YTHDF1: variants seen among roughly 807,000 people sequenced by gnomAD.
The protein encoded by YTHDF1 is YTH domain-containing family protein 1.
A neutral mutation model predicts 49.1 loss-of-function variants in YTHDF1; 16 were observed. That is an observed-to-expected ratio of 0.33 (90% confidence interval 0.22 to 0.49). The LOEUF (loss-of-function observed/expected upper bound fraction) is 0.49, where lower values mean the gene tolerates loss of function less well. Among genes scored for constraint, YTHDF1 ranks in the 20% least tolerant of loss-of-function variants. The pLI is 0.99. For missense variants in YTHDF1, 621 were observed against 744.3 expected, an observed-to-expected ratio of 0.83 and a Z score of 1.93; for synonymous variants, 313 against 290.1, an observed-to-expected ratio of 1.08 and a Z score of -0.80.
At chr20:63,215,556 C>G (rs929376061) in intron 2 of YTHDF1, 21 bp downstream of exon 2, 5 of 1,613,538 alleles carry the variant, frequency 3.1e-6, no homozygotes, top group Admixed American at 3.3e-5. Flanking sequence ...CCCGCGCCGG[C>G]CGTCCCGGGA....
intron 4 of YTHDF1, among the ~76,000 whole-genome samples, chr20:63,197,800 T>G (rs1217853691): frequency 2.6e-5 from 4 of 152,164 alleles, no homozygotes; most frequent in Non-Finnish European, 4.4e-5. Flanking sequence ...TCTGGCCATC[T>G]ATCAAGATGC....
At chr20:63,211,462 T>C (rs2066573785) in intron 3 of YTHDF1, among the ~76,000 whole-genome samples, 2 of 152,060 alleles carry the variant, frequency 1.3e-5, no homozygotes, top group South Asian at 4.1e-4. Flanking sequence ...AGACCCTGTC[T>C]CCAACAAAAA....
intron 3 of YTHDF1, among the ~76,000 whole-genome samples, chr20:63,209,171 G>C (rs2066562190): frequency 6.6e-6 from 1 of 152,244 alleles, no homozygotes; most frequent in African/African-American, 2.4e-5. Context: ...GGCCTGAGTT[G>C]CACTGGGTGA....
intron 3 of YTHDF1, among the ~76,000 whole-genome samples, chr20:63,208,976 A>G (rs2066560862): frequency 6.6e-6 from 1 of 152,250 alleles, no homozygotes; most frequent in African/African-American, 2.4e-5. Flanking sequence ...TATCCTTACC[A>G]CACACTGAGG....
intron 3 of YTHDF1, among the ~76,000 whole-genome samples, chr20:63,211,960 TACACACACAC>T (rs57357558): frequency 0.22 from 31,769 of 143,640 alleles, 3,778 homozygotes; most frequent in East Asian, 0.45. Context: ...GTCTCCAAAA[TACACACACAC>T]ACACACACAC....
At position 63,210,464 on chromosome 20, in the gene YTHDF1, G is replaced by C. The variant is rs139034920; in HGVS notation, c.132+3400C>G. On this transcript the variant is annotated intron_variant, in intron 3 of 4. Coordinates refer to ENST00000370339, the MANE Select transcript of YTHDF1 (RefSeq NM_017798.4). ...AAAACAACAGAGAACTGGGAAACCAGAAGTCCCCGAGCAGGAAAAGCCTCA... is the reference window on the plus strand; with the variant it reads ...AAAACAACAGAGAACTGGGAAACCACAAGTCCCCGAGCAGGAAAAGCCTCA... 1.6e-3 allele frequency among the ~76,000 whole-genome samples: 237 copies of C among 152,278 alleles called. 2 individuals carry two copies. The highest frequency in any genetic ancestry group is 5.3e-3 in the African/African-American group (219 of 41,558).
At position 63,206,008 on chromosome 20, in the gene YTHDF1, C is replaced by A. The variant is rs528457874; in HGVS notation, c.133-2201G>T. Among the ~76,000 whole-genome samples the A allele has an allele frequency of 2.8e-4, 42 of 151,934 alleles. No homozygotes were observed. In the South Asian group the frequency reaches 8.3e-3, roughly 30 times the overall value. On this transcript the variant is annotated intron_variant, in intron 3 of 4. Transcript: ENST00000370339. Reference sequence around the variant, plus strand: ...TTCCCTCGGGTGCTGCCCTGGCCAACAGGCCCAGACTGGGGGGGTGAGCGA... The same window carrying A: ...TTCCCTCGGGTGCTGCCCTGGCCAAAAGGCCCAGACTGGGGGGGTGAGCGA...
intron 4 of YTHDF1, among the ~76,000 whole-genome samples, chr20:63,199,701 G>A (rs8120968): frequency 0.017 from 2,550 of 152,198 alleles, 76 homozygotes; most frequent in African/African-American, 0.058. Flanking sequence ...AGCCAGCAGC[G>A]AAGTCCAGTC....
chr20:63,214,622 G>A (rs1260369930), intron 2 of YTHDF1, among the ~76,000 whole-genome samples: 2 of 152,162 alleles, frequency 1.3e-5, no homozygotes, highest in African/African-American at 4.8e-5. Flanking sequence ...GAAGCAGGGA[G>A]GGGGCTTCCA....
intron 3 of YTHDF1, among the ~76,000 whole-genome samples, chr20:63,206,681 A>G (rs2066547914): frequency 1.3e-5 from 2 of 152,248 alleles, no homozygotes; most frequent in African/African-American, 4.8e-5. Flanking sequence ...GGCTGGATAC[A>G]GTGACCTGGG....
At chr20:63,209,333 CTTT>C (rs1157658790) in intron 3 of YTHDF1, among the ~76,000 whole-genome samples, 1 of 152,186 alleles carries the variant, frequency 6.6e-6, no homozygotes, top group Non-Finnish European at 1.5e-5. Context: ...TTACAAACTA[CTTT>C]TTTAAAAGCT....
chr20:63,202,853 C>T lies in YTHDF1; in HGVS notation c.1087G>A (p.Glu363Lys), dbSNP rs1441706015. 8 of 1,613,734 alleles carry T rather than the reference C, an allele frequency of 5.0e-6. No individual in the cohort carries two copies. The highest frequency in any genetic ancestry group is 2.7e-5 in the African/African-American group (2 of 74,940). Reference sequence around the variant, plus strand: ...AGTTTTTCAAGGACGGGGTGGGATTCGACGCTGGGGGCAGAATTAGGCTGG... The same window carrying T: ...AGTTTTTCAAGGACGGGGTGGGATTTGACGCTGGGGGCAGAATTAGGCTGG... ...NVQPNSAPSV[E>K]SHPVLEKLKA... is the part of the protein sequence containing the mutation. Residue 363 changes from glutamate (E) to lysine (K), a missense_variant, in exon 4 of 5, where the codon GAA (glutamate) becomes AAA (lysine). By Grantham distance (56) the Glu-to-Lys change is moderately conservative. This residue lies in a region of YTHDF1 where 470 missense variants were observed against 495.8 expected (regional missense o/e 0.95). Transcript: ENST00000370339.
intron 3 of YTHDF1, among the ~76,000 whole-genome samples, chr20:63,209,100 C>T (rs1335456285): frequency 2.6e-5 from 4 of 152,140 alleles, no homozygotes; most frequent in Admixed American, 6.5e-5. Context: ...AGTAAAAATA[C>T]GGTATAAGAA....
intron 3 of YTHDF1, among the ~76,000 whole-genome samples, chr20:63,212,708 GGAGA>G (rs900522962): frequency 1.3e-5 from 2 of 152,176 alleles, no homozygotes; most frequent in African/African-American, 4.8e-5. Flanking sequence ...GCAGCACAGA[GGAGA>G]GAGAGCAGCT....
chr20:63,198,204 G>A (rs2066501290), intron 4 of YTHDF1, among the ~76,000 whole-genome samples: 1 of 151,942 alleles, frequency 6.6e-6, no homozygotes, highest in South Asian at 2.1e-4. Context: ...AGGCCAAGGT[G>A]GGTGGATTGC....
chr20:63,196,858 A>C (rs992381308), intron 4 of YTHDF1, 124 bp from the exon 5 acceptor site: 47 of 1,057,314 alleles, frequency 4.4e-5, no homozygotes, highest in South Asian at 1.4e-4. Context: ...CCTGAATGGT[A>C]CCCAAGCCAC....
intron 3 of YTHDF1, among the ~76,000 whole-genome samples, chr20:63,212,309 T>G (rs2066578471): frequency 6.6e-6 from 1 of 152,158 alleles, no homozygotes; most frequent in East Asian, 1.9e-4. Context: ...AGCTGCTTGA[T>G]TCGCCAAGTG....
chr20:63,211,375 G>C (rs1358642157), intron 3 of YTHDF1, among the ~76,000 whole-genome samples: 1 of 152,100 alleles, frequency 6.6e-6, no homozygotes, highest in Non-Finnish European at 1.5e-5. Context: ...TGAGGTGGGA[G>C]AATCACCTGA....
At chr20:63,201,104 G>A (rs539502631) in intron 4 of YTHDF1, among the ~76,000 whole-genome samples, 9 of 151,452 alleles carry the variant, frequency 5.9e-5, no homozygotes, top group Non-Finnish European at 1.2e-4. Context: ...TTCAGTAACT[G>A]GAAATAAATG....
Sources: gnomAD v4.1 joint callset for allele counts (sites outside exome capture counted in the v4.1 genomes callset) on GRCh38, gnomAD v4.1.1 for gene constraint, gnomAD v4.1.1 regional missense constraint, MANE v1.5 for transcripts, NCBI Gene and HGNC (gene_info 2026-07-23, HGNC 2026-07-21) for gene names.